Variants in NF1 observed in about 807,000 individuals in gnomAD.
NF1 encodes neurofibromin.
Under a neutral mutation model 325.7 loss-of-function variants are expected in NF1, and 122 were observed. The observed-to-expected ratio is 0.37, with a 90% CI of 0.32 to 0.44. The LOEUF (loss-of-function observed/expected upper bound fraction) is 0.44. Ranked by LOEUF, NF1 falls within the 20% of genes least tolerant of loss-of-function variation. NF1 has a pLI of 1.00. For missense variants in NF1, 2,140 were observed against 3,415.4 expected (o/e 0.63, Z 9.31); for synonymous variants, 1,091 against 1,186.0 (o/e 0.92, Z 1.65).
chr17:31,225,659 T>A (rs1349867120), intron 17 of NF1, among the ~76,000 whole-genome samples: 2 of 152,198 alleles, frequency 1.3e-5, no homozygotes, highest in African/African-American at 4.8e-5. Flanking sequence ...TTTTGCTTCA[T>A]GTTAAAGATA....
chr17:31,172,905 A>G (rs1376933608), intron 5 of NF1, among the ~76,000 whole-genome samples: 2 of 152,168 alleles, frequency 1.3e-5, no homozygotes, highest in African/African-American at 4.8e-5. Flanking sequence ...ATGCAGTAAT[A>G]TAAGTGAAAA....
intron 38 of NF1, among the ~76,000 whole-genome samples, chr17:31,329,842 A>C (rs2069436233): frequency 6.6e-6 from 1 of 152,194 alleles, no homozygotes. Flanking sequence ...GATGAAGGGA[A>C]GGGCCATCTG....
At chr17:31,333,914 A>G (rs1203302563) in intron 39 of NF1, among the ~76,000 whole-genome samples, 1 of 152,214 alleles carries the variant, frequency 6.6e-6, no homozygotes, top group Admixed American at 6.5e-5. Flanking sequence ...AAATTTTTGT[A>G]CAATTTTTGT....
intron 36 of NF1, chr17:31,294,926 G>T: frequency 1.9e-6 from 3 of 1,562,258 alleles, no homozygotes; most frequent in South Asian, 1.1e-5. Flanking sequence ...AATATAGCTC[G>T]AATCACTGGT....
intron 29 of NF1, 133 bp from the exon 30 acceptor site, chr17:31,248,849 TGG>T: frequency 2.8e-5 from 22 of 796,964 alleles, no homozygotes; most frequent in Non-Finnish European, 3.7e-5. Context: ...TTTTTATAGT[TGG>T]TTGTTTAAAG....
intron 36 of NF1, among the ~76,000 whole-genome samples, chr17:31,270,595 G>A (rs2067875016): frequency 6.6e-6 from 1 of 152,190 alleles, no homozygotes; most frequent in Non-Finnish European, 1.5e-5. Context: ...GGGCAACAGA[G>A]TGAGGCCTTC....
chr17:31,309,505 A>C (rs1430788610), intron 36 of NF1, among the ~76,000 whole-genome samples: 1 of 152,156 alleles, frequency 6.6e-6, no homozygotes, highest in Non-Finnish European at 1.5e-5. Context: ...TATAGATTAC[A>C]AAAAAAGGCG....
intron 8 of NF1, among the ~76,000 whole-genome samples, chr17:31,193,570 A>C (rs1425449818): frequency 6.6e-6 from 1 of 152,218 alleles, no homozygotes; most frequent in Admixed American, 6.5e-5. Flanking sequence ...GGCAGAGTGA[A>C]AAGACAACCT....
At chr17:31,168,579 C>T (rs1424808337) in intron 4 of NF1, among the ~76,000 whole-genome samples, 1 of 152,040 alleles carries the variant, frequency 6.6e-6, no homozygotes, top group Admixed American at 6.6e-5. Flanking sequence ...ATTTGTTGGA[C>T]TGCGTTATTT....
intron 36 of NF1, among the ~76,000 whole-genome samples, chr17:31,267,268 A>C (rs2067808369): frequency 6.6e-6 from 1 of 152,092 alleles, no homozygotes; most frequent in Non-Finnish European, 1.5e-5. Context: ...ATTTTTCCAA[A>C]TCTGTTGCTT....
chr17:31,184,907 A>T (rs2066211194), intron 8 of NF1, among the ~76,000 whole-genome samples: 1 of 152,182 alleles, frequency 6.6e-6, no homozygotes. Context: ...GTGGGCATTG[A>T]TTGGAAAAGA....
Position 31,221,859 on chromosome 17 carries a change from G to T in NF1, c.1651G>T (p.Val551Phe), listed in dbSNP as rs2066927784. 6.2e-7 allele frequency: 1 copy of T among 1,605,372 alleles called. No individual in the cohort carries two copies. The change falls in exon 15 of 58, where the codon GTT becomes TTT. Residue 551 changes from valine to phenylalanine, a missense_variant. By Grantham distance (50) the Val-to-Phe change is conservative. This residue lies in a region of NF1 where 179 missense variants were observed against 381.0 expected (regional missense o/e 0.47). Transcript: ENST00000358273. ...IAQEAMEALL[V>F]LHQLDSIDLW... ...TTTTTAAAAAATTCAGGCTCTGCTG[G>T]TTCTTCATCAGTTAGATAGCATTGA...
At position 31,225,168 on chromosome 17, in the gene NF1, C is replaced by G. The variant is rs1555613573; in HGVS notation, c.1919C>G (p.Thr640Ser). The G allele has an allele frequency of 6.2e-7, 1 of 1,613,582 alleles. No homozygotes were observed. The highest frequency in any genetic ancestry group is 8.5e-7 in the Non-Finnish European group (1 of 1,179,650). The change falls in exon 17 of 58, where the codon ACC becomes AGC. Residue 640 changes from threonine (T) to serine (S), a missense_variant. This residue lies in a region of NF1 where 45 missense variants were observed against 42.5 expected (regional missense o/e 1.06). Transcript: ENST00000358273. ...VGCDIPSSGN[T>S]SQMSMDHEEL... ...TGTGATATTCCTTCTAGTGGAAATA[C>G]CAGTCAAATGTCCATGGATCATGAA...
At chr17:31,367,123 C>G in intron 57 of NF1, 1 of 560,420 alleles carries the variant, frequency 1.8e-6, no homozygotes, top group South Asian at 2.2e-5. Flanking sequence ...CTTCTGAAAA[C>G]CAAGGAACAT....
At chr17:31,112,740 A>G (rs1253138797) in intron 1 of NF1, among the ~76,000 whole-genome samples, 1 of 152,152 alleles carries the variant, frequency 6.6e-6, no homozygotes, top group Non-Finnish European at 1.5e-5. Flanking sequence ...AAAGTCTTTC[A>G]AAAGCAGATG....
chr17:31,327,322 T>C (rs530086663), intron 37 of NF1, among the ~76,000 whole-genome samples, 177 bp from the exon 38 acceptor site: 12 of 152,204 alleles, frequency 7.9e-5, no homozygotes, highest in Non-Finnish European at 1.8e-4. Context: ...ATGTTTTTTG[T>C]TTCTTTTGAG....
At chr17:31,172,306 G>A (rs2065939952) in intron 5 of NF1, among the ~76,000 whole-genome samples, 1 of 151,442 alleles carries the variant, frequency 6.6e-6, no homozygotes, top group Non-Finnish European at 1.5e-5. Flanking sequence ...TTCCAGCCTG[G>A]GTAACAGAGT....
intron 57 of NF1, among the ~76,000 whole-genome samples, chr17:31,363,222 C>T (rs928676071): frequency 3.9e-5 from 6 of 152,072 alleles, no homozygotes; most frequent in Admixed American, 1.3e-4. Context: ...TTTATCTTTT[C>T]AAAAGTAACC....
chr17:31,340,239 A>G (rs2069781326), intron 46 of NF1: 2 of 501,016 alleles, frequency 4.0e-6, no homozygotes, highest in Non-Finnish European at 7.2e-6. Context: ...CTCTAGAAGA[A>G]TCAACAAACC....
Sources: gnomAD v4.1 joint callset for allele counts (sites outside exome capture counted in the v4.1 genomes callset) on GRCh38, gnomAD v4.1.1 for gene constraint, gnomAD v4.1.1 regional missense constraint, MANE v1.5 for transcripts, NCBI Gene and HGNC (gene_info 2026-07-23, HGNC 2026-07-21) for gene names.